The following SEZ6L variants were observed in gnomAD, a reference collection of about 807,000 sequenced individuals.
The protein encoded by SEZ6L is seizure 6-like protein.
In SEZ6L, 37 loss-of-function variants were observed where a neutral mutation model predicts 106.2. The observed-to-expected ratio is 0.35, with a 90% CI of 0.27 to 0.46. SEZ6L has a LOEUF of 0.46. Ranked by LOEUF, SEZ6L falls within the 20% of genes least tolerant of loss-of-function variation. SEZ6L has a pLI of 1.00. For synonymous variants in SEZ6L, 541 were observed against 570.4 expected (o/e 0.95, Z 0.73); for missense variants, 1,172 against 1,332.8 (o/e 0.88, Z 1.88).
intron 10 of SEZ6L, among the ~76,000 whole-genome samples, chr22:26,344,990 G>C (rs571273695): frequency 6.0e-4 from 92 of 152,300 alleles, no homozygotes; most frequent in African/African-American, 2.0e-3. Context: ...GGGCCCATGG[G>C]AACAGACCAT....
At chr22:26,205,548 G>C (rs1379725160) in intron 1 of SEZ6L, among the ~76,000 whole-genome samples, 3 of 152,020 alleles carry the variant, frequency 2.0e-5, no homozygotes, top group Non-Finnish European at 4.4e-5. Flanking sequence ...GTTTCTGTAA[G>C]TGTGAGTCCT....
At chr22:26,183,383 C>G (rs1199508458) in intron 1 of SEZ6L, among the ~76,000 whole-genome samples, 1 of 152,222 alleles carries the variant, frequency 6.6e-6, no homozygotes, top group Non-Finnish European at 1.5e-5. Flanking sequence ...GTCTTCTCCT[C>G]ACTTCTACGT....
At chr22:26,259,455 T>C (rs1569426336) in intron 1 of SEZ6L, among the ~76,000 whole-genome samples, 1 of 152,198 alleles carries the variant, frequency 6.6e-6, no homozygotes, top group Non-Finnish European at 1.5e-5. Context: ...TAGCTTTCCT[T>C]TTCAACTCAG....
intron 9 of SEZ6L, among the ~76,000 whole-genome samples, chr22:26,332,402 G>T (rs543964260): frequency 6.6e-6 from 1 of 151,634 alleles, no homozygotes; most frequent in Non-Finnish European, 1.5e-5. Flanking sequence ...CACTCACCTC[G>T]GCCTCCCAAA....
intron 10 of SEZ6L, 68 bp downstream of exon 10, chr22:26,340,700 A>G (rs2082802530): frequency 1.5e-6 from 2 of 1,366,010 alleles, no homozygotes; most frequent in African/African-American, 1.5e-5. Flanking sequence ...GGTTTCCTCT[A>G]GGTTATTTGG....
chr22:26,366,830 G>T (rs1315804867), intron 13 of SEZ6L, among the ~76,000 whole-genome samples: 1 of 152,078 alleles, frequency 6.6e-6, no homozygotes, highest in Admixed American at 6.6e-5. Flanking sequence ...AAATTTTTTT[G>T]TAGAGACAGG....
At chr22:26,266,598 TA>T (rs1178066940) in intron 1 of SEZ6L, among the ~76,000 whole-genome samples, 3 of 147,774 alleles carry the variant, frequency 2.0e-5, no homozygotes, top group African/African-American at 7.8e-5. Context: ...AATAAATAAA[TA>T]AATAAATAAA....
rs138281845 is a variant in SEZ6L at position 26,380,280 on chromosome 22, T to C, written c.3060T>C (p.Tyr1020=). The change falls in exon 17 of 17, where the codon TAT becomes TAC. Residue 1020 remains tyrosine, a synonymous_variant. Coordinates refer to ENST00000248933, the MANE Select transcript of SEZ6L (RefSeq NM_021115.5). ...PIYETGETRE[Y]EVSI is the part of the protein sequence containing the mutation. ...CTCTCTTGCAGGAAACCAGAGAGTA[T>C]GAGGTTTCTATCTAAAGAGAGCTAC... 1,872 of 1,613,608 alleles carry C rather than the reference T, an allele frequency of 1.2e-3. No homozygotes were observed. Among genetic ancestry groups the C allele is most frequent in the Non-Finnish European group, 1.4e-3 (1,690 of 1,179,652 alleles).
intron 1 of SEZ6L, among the ~76,000 whole-genome samples, chr22:26,278,182 G>A (rs374302817): frequency 9.2e-5 from 14 of 152,210 alleles, no homozygotes; most frequent in African/African-American, 3.4e-4. Context: ...CTCTCTGGCT[G>A]CTGCGGAGGC....
rs925737012 is a variant in SEZ6L, at chr22:26,169,645, C to A, written c.-25C>A. On this transcript the variant is annotated 5_prime_UTR_variant, in exon 1 of 17. Transcript: ENST00000248933. ...CGCCGTCCGCCCGCCCCACAGCCAG[C>A]GGCTCCGCGCCCCCTGCAGCCACGA... 4.0e-6 allele frequency: 4 copies of A among 1,002,958 alleles called. No individual in the cohort carries two copies. The highest frequency in any genetic ancestry group is 5.4e-6 in the Non-Finnish European group (4 of 744,472). The allele number at this position is 1,002,958 out of a possible 1,614,324, so 62.1% of individuals were successfully genotyped here.
At chr22:26,348,587 AG>A (rs1569473390) in intron 11 of SEZ6L, among the ~76,000 whole-genome samples, 1 of 64,442 alleles carries the variant, frequency 1.6e-5, no homozygotes, top group Non-Finnish European at 2.5e-5. Flanking sequence ...AGAAAGAAAG[AG>A]AAAGAAAGAA....
chr22:26,292,980 G>T lies in SEZ6L; in HGVS notation c.669G>T (p.Glu223Asp), dbSNP rs557920754. 5.0e-6 allele frequency: 8 copies of T among 1,613,916 alleles called. No homozygotes were observed. The highest frequency in any genetic ancestry group is 2.2e-5 in the East Asian group (1 of 44,864). The change falls in exon 2 of 17, where the codon GAG becomes GAT. Residue 223 changes from glutamate (E) to aspartate (D), a missense_variant. Coordinates refer to ENST00000248933, the MANE Select transcript of SEZ6L (RefSeq NM_021115.5). Reference protein sequence around the residue: ...HTLPQRPEPGEPGPDMAQEAP... With the variant: ...HTLPQRPEPGDPGPDMAQEAP... ...TCCCCCAGAGGCCAGAACCCGGGGA[G>T]CCTGGGCCTGACATGGCCCAGGAGG...
intron 12 of SEZ6L, among the ~76,000 whole-genome samples, chr22:26,356,808 CAGTT>C (rs923506519): frequency 6.6e-5 from 10 of 152,042 alleles, no homozygotes; most frequent in African/African-American, 2.4e-4. Context: ...GATTTTGTCA[CAGTT>C]AGCACGAGCA....
chr22:26,229,367 C>T (rs551838932), intron 1 of SEZ6L, among the ~76,000 whole-genome samples: 1 of 152,252 alleles, frequency 6.6e-6, no homozygotes, highest in East Asian at 1.9e-4. Context: ...CTGCCCCGGG[C>T]TTGTAACTGT....
At chr22:26,312,653 C>T (rs1405487682) in intron 8 of SEZ6L, among the ~76,000 whole-genome samples, 1 of 152,240 alleles carries the variant, frequency 6.6e-6, no homozygotes, top group Non-Finnish European at 1.5e-5. Context: ...TCACTGCAGC[C>T]TCCGCTTCCC....
chr22:26,239,931 G>A (rs759922772), intron 1 of SEZ6L, among the ~76,000 whole-genome samples: 12 of 145,492 alleles, frequency 8.2e-5, no homozygotes, highest in South Asian at 6.6e-4. Flanking sequence ...CCCTCCACCC[G>A]CACCTTCACC....
intron 1 of SEZ6L, among the ~76,000 whole-genome samples, chr22:26,233,024 T>C (rs976606992): frequency 1.1e-4 from 16 of 152,236 alleles, no homozygotes; most frequent in African/African-American, 3.6e-4. Context: ...CGCTCCGCCA[T>C]GGGTTAATCT....
At chr22:26,183,876 G>A (rs1939579851) in intron 1 of SEZ6L, among the ~76,000 whole-genome samples, 1 of 152,116 alleles carries the variant, frequency 6.6e-6, no homozygotes, top group South Asian at 2.1e-4. Flanking sequence ...TTGGGTCCTG[G>A]GGTAGTTTTA....
intron 1 of SEZ6L, among the ~76,000 whole-genome samples, chr22:26,198,090 T>A (rs1326224820): frequency 6.6e-6 from 1 of 152,240 alleles, no homozygotes. Flanking sequence ...CATGCAATTA[T>A]CCATCTCTTT....
Sources: gnomAD v4.1 joint callset for allele counts (sites outside exome capture counted in the v4.1 genomes callset) on GRCh38, gnomAD v4.1.1 for gene constraint, MANE v1.5 for transcripts, NCBI Gene and HGNC (gene_info 2026-07-23, HGNC 2026-07-21) for gene names.